Variants in DNAH9 observed in about 807,000 individuals in gnomAD.
The protein encoded by DNAH9 is DNAH9 variant protein.
DNAH9 carries 345 observed loss-of-function variants against 471.6 expected under a neutral mutation model. That is an observed-to-expected ratio of 0.73 (90% confidence interval 0.67 to 0.80). The LOEUF (loss-of-function observed/expected upper bound fraction) is 0.80, where lower values mean the gene tolerates loss of function less well. Ranked by LOEUF, DNAH9 falls within the 30% of genes least tolerant of loss-of-function variation. The probability of loss-of-function intolerance (pLI) is 0.00; values close to 1 mark genes in which losing one functional copy is unlikely to be tolerated. For synonymous variants in DNAH9, 2,093 were observed against 2,123.6 expected, an observed-to-expected ratio of 0.99 and a Z score of 0.40; for missense variants, 5,407 against 5,609.2, an observed-to-expected ratio of 0.96 and a Z score of 1.15.
At chr17:11,864,550 G>T (rs1597753873) in intron 50 of DNAH9, among the ~76,000 whole-genome samples, 1 of 151,954 alleles carries the variant, frequency 6.6e-6, no homozygotes, top group East Asian at 1.9e-4. Flanking sequence ...ACTTGGTGCA[G>T]AGCTGAGTTC....
chr17:11,768,000 G>T (rs1968037592), intron 36 of DNAH9, among the ~76,000 whole-genome samples: 5 of 152,086 alleles, frequency 3.3e-5, no homozygotes, highest in Admixed American at 3.3e-4. Flanking sequence ...CCCTTCTGAG[G>T]CTCTTCTCAC....
At chr17:11,607,135 G>T (rs12602107) in intron 1 of DNAH9, among the ~76,000 whole-genome samples, 39 of 152,132 alleles carry the variant, frequency 2.6e-4, no homozygotes, top group African/African-American at 8.9e-4. Context: ...TAGACAGAAG[G>T]TCATGTTTAT....
At chr17:11,670,035 G>A (rs146842685) in intron 17 of DNAH9, among the ~76,000 whole-genome samples, 2 of 152,246 alleles carry the variant, frequency 1.3e-5, no homozygotes, top group East Asian at 3.9e-4. Flanking sequence ...AAAGGCACGT[G>A]GTTAAGTGGT....
intron 30 of DNAH9, among the ~76,000 whole-genome samples, chr17:11,743,903 C>T (rs981675855): frequency 6.6e-6 from 1 of 151,218 alleles, no homozygotes; most frequent in Non-Finnish European, 1.5e-5. Flanking sequence ...GATCTCGGCT[C>T]GCTGCAACCT....
At chr17:11,898,410 C>T (rs1041832729) in intron 59 of DNAH9, among the ~76,000 whole-genome samples, 29 of 152,200 alleles carry the variant, frequency 1.9e-4, no homozygotes, top group South Asian at 2.1e-4. Context: ...CGTGAGCCGC[C>T]GCGCCTGGCC....
chr17:11,836,262 C>T (rs1175643178), intron 49 of DNAH9, among the ~76,000 whole-genome samples: 3 of 152,204 alleles, frequency 2.0e-5, no homozygotes, highest in Non-Finnish European at 4.4e-5. Context: ...ATTGTCACCT[C>T]ATACCTCACA....
At chr17:11,918,159 C>T (rs1974014696) in intron 61 of DNAH9, among the ~76,000 whole-genome samples, 1 of 152,138 alleles carries the variant, frequency 6.6e-6, no homozygotes, top group Admixed American at 6.6e-5. Context: ...GTCTTGTTTT[C>T]ATTGTTCCTG....
At chr17:11,878,766 GCTGGTCTCAAACTC>G (rs1417033198) in intron 53 of DNAH9, among the ~76,000 whole-genome samples, 1 of 152,070 alleles carries the variant, frequency 6.6e-6, no homozygotes, top group Non-Finnish European at 1.5e-5. Context: ...TATTGCCCAG[GCTGGTCTCAAACTC>G]CTGGTCTCAA....
At position 11,783,690 on chromosome 17, in the gene DNAH9, AGTAT is replaced by A. The variant is rs1344997678; in HGVS notation, c.7766_7769del (p.Tyr2589PhefsTer4). On this transcript the variant is annotated frameshift_variant, in exon 40 of 69. Coordinates refer to ENST00000262442, the MANE Select transcript of DNAH9 (RefSeq NM_001372.4). LOFTEE classifies it high-confidence loss of function. ...TCCCTAAAGGAGATCACAAATGTAC[AGTAT>A]GTTTCCTGTATGAACCCCACGGCAG... is the stretch of plus-strand genomic sequence containing the variant. The A allele has an allele frequency of 6.2e-7, 1 of 1,614,126 alleles. No individual in the cohort carries two copies. Among genetic ancestry groups the A allele is most frequent in the Admixed American group, 1.7e-5 (1 of 60,016 alleles).
intron 49 of DNAH9, among the ~76,000 whole-genome samples, chr17:11,836,774 C>G (rs113381112): frequency 9.2e-4 from 140 of 152,350 alleles, no homozygotes; most frequent in African/African-American, 3.0e-3. Flanking sequence ...AAAGATAGAA[C>G]CACTTTATTT....
At chr17:11,906,639 A>AG (rs1371062054) in intron 61 of DNAH9, among the ~76,000 whole-genome samples, 1 of 151,588 alleles carries the variant, frequency 6.6e-6, no homozygotes, top group Non-Finnish European at 1.5e-5. Flanking sequence ...AAAAAAAAAA[A>AG]AAAAAAAGAA....
rs1344533531 is a variant in DNAH9 at position 11,747,632 on chromosome 17, A to G, written c.6476A>G (p.Gln2159Arg). 1.5e-5 allele frequency: 25 copies of G among 1,614,024 alleles called. No homozygotes were observed. Among genetic ancestry groups the G allele is most frequent in the Non-Finnish European group, 2.0e-5 (24 of 1,180,012 alleles). ...GGTGGCGCTGGTACCGGCAAGTCAC[A>G]GGTGCTGAGGTCCTTGCACAAGACC... ...VVGGAGTGKS[Q>R]VLRSLHKTYQ... The change falls in exon 32 of 69, where the codon CAG becomes CGG. Residue 2159 changes from glutamine (Q) to arginine (R), a missense_variant. Physicochemically the swap from Gln to Arg is conservative, Grantham distance 43 (BLOSUM62 1). This residue lies in a region of DNAH9 where 4,636 missense variants were observed against 4,900.3 expected (regional missense o/e 0.95). Coordinates refer to ENST00000262442, the MANE Select transcript of DNAH9 (RefSeq NM_001372.4).
At chr17:11,952,987 C>T (rs1252280700) in intron 67 of DNAH9, among the ~76,000 whole-genome samples, 4 of 152,074 alleles carry the variant, frequency 2.6e-5, no homozygotes, top group Admixed American at 6.5e-5. Context: ...GGCAGGGAGG[C>T]AGAGCCAGAA....
At position 11,646,180 on chromosome 17, in the gene DNAH9, A is replaced by ATT. The variant is rs113968657; in HGVS notation, c.1971-883_1971-882dup. On this transcript the variant is annotated intron_variant, in intron 11 of 68. Transcript: ENST00000262442. ...AGGTGTGAGCCACCACGCCTGGCTA[A>ATT]TTTTTTTTTTGTATTTTGAGTAGAG... is the stretch of plus-strand genomic sequence containing the variant. Among the ~76,000 whole-genome samples the ATT allele has an allele frequency of 4.4e-3, 654 of 149,692 alleles. 4 individuals carry two copies. The highest frequency in any genetic ancestry group is 0.014 in the African/African-American group (585 of 40,748).
chr17:11,784,870 AG>A (rs1968806581), intron 41 of DNAH9, among the ~76,000 whole-genome samples: 1 of 149,620 alleles, frequency 6.7e-6, no homozygotes, highest in Non-Finnish European at 1.5e-5. Context: ...ATGGCCCAAA[AG>A]AAAGAAAGAA....
chr17:11,633,629 C>T (rs1051084332), intron 8 of DNAH9, among the ~76,000 whole-genome samples: 1 of 152,202 alleles, frequency 6.6e-6, no homozygotes, highest in African/African-American at 2.4e-5. Flanking sequence ...AGATTCCCCT[C>T]TCCAAGCATT....
chr17:11,803,473 A>G (rs182542097), intron 43 of DNAH9, among the ~76,000 whole-genome samples: 1 of 152,202 alleles, frequency 6.6e-6, no homozygotes, highest in African/African-American at 2.4e-5. Context: ...GTGCATCTTC[A>G]GCTTTTGTTT....
At chr17:11,814,624 T>C (rs1227900679) in intron 45 of DNAH9, among the ~76,000 whole-genome samples, 1 of 152,228 alleles carries the variant, frequency 6.6e-6, no homozygotes, top group Non-Finnish European at 1.5e-5. Context: ...TGCAGTCTCA[T>C]GGAAGAGTTT....
chr17:11,904,253 A>G (rs1032429727), intron 60 of DNAH9, among the ~76,000 whole-genome samples: 4 of 152,034 alleles, frequency 2.6e-5, no homozygotes, highest in Admixed American at 2.6e-4. Context: ...GAAAGAGGAG[A>G]GTGACTGAAG....
Sources: gnomAD v4.1 joint callset for allele counts (sites outside exome capture counted in the v4.1 genomes callset) on GRCh38, gnomAD v4.1.1 for gene constraint, gnomAD v4.1.1 regional missense constraint, MANE v1.5 for transcripts, NCBI Gene and HGNC (gene_info 2026-07-23, HGNC 2026-07-21) for gene names.